The following ATM variants were observed in gnomAD, a reference collection of about 807,000 sequenced individuals.
The protein encoded by ATM is ATM serine/threonine kinase.
In ATM, 308 loss-of-function variants were observed where a neutral mutation model predicts 387.0. That is an observed-to-expected ratio of 0.80 (90% CI 0.73 to 0.87). The LOEUF (loss-of-function observed/expected upper bound fraction) is 0.87. ATM is among the 40% of genes least tolerant of loss of function. ATM has a pLI of 0.00. For missense variants in ATM, 3,312 were observed against 3,560.9 expected (o/e 0.93, Z 1.78); for synonymous variants, 1,156 against 1,187.3 (o/e 0.97, Z 0.54).
chr11:108,312,648 T>G, intron 40 of ATM, 150 bp downstream of exon 40: 1 of 627,200 alleles, frequency 1.6e-6, no homozygotes, highest in South Asian at 2.0e-5. Context: ...GGTCTGAAGC[T>G]TAAGCCTTAG....
intron 45 of ATM, among the ~76,000 whole-genome samples, chr11:108,323,818 T>C (rs1180648589): frequency 1.3e-5 from 2 of 152,190 alleles, no homozygotes; most frequent in Non-Finnish European, 2.9e-5. Context: ...GCTTATGCTC[T>C]CAGATTACAT....
intron 8 of ATM, 30 bp from the exon 9 acceptor site, chr11:108,248,903 G>T (rs747967175): frequency 2.1e-5 from 30 of 1,450,584 alleles, no homozygotes; most frequent in Non-Finnish European, 2.6e-5. Flanking sequence ...AAAAAAAAAA[G>T]AAAAAAGTGG....
intron 21 of ATM, 51 bp from the exon 22 acceptor site, chr11:108,272,667 TGTTA>T: frequency 6.2e-7 from 1 of 1,612,998 alleles, no homozygotes; most frequent in Non-Finnish European, 8.5e-7. Flanking sequence ...AGTCTTTGTT[TGTTA>T]ATGAGTAATT....
intron 22 of ATM, among the ~76,000 whole-genome samples, chr11:108,273,523 G>A (rs748442801): frequency 5.9e-5 from 9 of 151,290 alleles, no homozygotes; most frequent in East Asian, 3.9e-4. Flanking sequence ...TTTATTTTTC[G>A]TAGAGATGGA....
At chr11:108,328,452 G>T (rs12418761) in intron 48 of ATM, among the ~76,000 whole-genome samples, 1 of 151,924 alleles carries the variant, frequency 6.6e-6, no homozygotes, top group South Asian at 2.1e-4. Flanking sequence ...CGCCACATTG[G>T]CCAGTCTGGT....
chr11:108,236,934 T>TTG (rs1201434681), intron 5 of ATM, among the ~76,000 whole-genome samples: 1 of 152,222 alleles, frequency 6.6e-6, no homozygotes, highest in Non-Finnish European at 1.5e-5. Context: ...TTAAGTCAGG[T>TTG]GTCAAAGTCT....
intron 37 of ATM, 93 bp downstream of exon 37, chr11:108,304,945 A>T (rs1565482576): frequency 7.1e-7 from 1 of 1,416,732 alleles, no homozygotes; most frequent in Non-Finnish European, 9.7e-7. Context: ...ACTTTACAGG[A>T]TTAAATCTAT....
intron 1 of ATM, chr11:108,225,693 G>A (rs1474379971): frequency 6.6e-6 from 1 of 152,190 alleles, no homozygotes; most frequent in Admixed American, 6.5e-5. Flanking sequence ...AGGCTGGCTG[G>A]TCTCGAACTC....
At chr11:108,279,794 GC>G (rs2082136835) in intron 23 of ATM, among the ~76,000 whole-genome samples, 186 bp downstream of exon 23, 1 of 152,142 alleles carries the variant, frequency 6.6e-6, no homozygotes, top group Admixed American at 6.5e-5. Flanking sequence ...TCAAATCATA[GC>G]AATTTCTTTT....
rs967402817 is a variant in ATM, at chr11:108,310,141, A to G, written c.5763-19A>G. 4.4e-6 allele frequency: 7 copies of G among 1,605,722 alleles called. No homozygotes were observed. The highest frequency in any genetic ancestry group is 6.0e-6 in the Non-Finnish European group (7 of 1,173,358). On this transcript the variant is annotated intron_variant, in intron 38 of 62. Transcript: ENST00000675843. ...GAAGTTTAAAAAAGTGAATGACATT[A>G]TATCTCATTTTTCTTTAGACCTTCT... is the stretch of plus-strand genomic sequence containing the variant.
rs962579086 is a variant in ATM, at chr11:108,329,447, C to A, written c.7307+209C>A. 2.8e-5 allele frequency: 16 copies of A among 566,086 alleles called. No individual in the cohort carries two copies. In the African/African-American group the frequency reaches 3.0e-4, roughly 11 times the overall value. 35.1% of individuals were successfully genotyped at this position (566,086 alleles called of 1,614,324 possible). A position where few individuals can be genotyped will look rare whatever the true frequency, so the allele number is the denominator to read the frequency against. On this transcript the variant is annotated intron_variant, in intron 49 of 62. Transcript: ENST00000675843. ...TTTGAGACAAGGTCTCACTCTGTCACCCAGGCTGGAGTACAGTGGCGTGAT... is the reference window on the plus strand; with the variant it reads ...TTTGAGACAAGGTCTCACTCTGTCAACCAGGCTGGAGTACAGTGGCGTGAT...
intron 61 of ATM, among the ~76,000 whole-genome samples, chr11:108,356,967 C>T (rs1227841797): frequency 6.6e-6 from 1 of 152,208 alleles, no homozygotes; most frequent in Non-Finnish European, 1.5e-5. Context: ...AGGAACAGCT[C>T]CGGTATACAG....
rs550004981 is a variant in ATM at position 108,369,024 on chromosome 11, T to C, written c.*3516T>C. 3 of 179,368 alleles carry C rather than the reference T, an allele frequency of 1.7e-5. No individual in the cohort carries two copies. Among genetic ancestry groups the C allele is most frequent in the Non-Finnish European group, 3.6e-5 (3 of 83,788 alleles). 11.1% of individuals were successfully genotyped at this position (179,368 alleles called of 1,614,324 possible). A position where few individuals can be genotyped will look rare whatever the true frequency, so the allele number is the denominator to read the frequency against. On this transcript the variant is annotated 3_prime_UTR_variant, in exon 63 of 63. Coordinates refer to ENST00000675843, the MANE Select transcript of ATM (RefSeq NM_000051.4). The stretch of plus-strand genomic sequence containing the variant: ...GAAATTATCTATTTTCTATAGATTT[T>C]AGTACTATTGAATGTATTACTTTAC...
chr11:108,275,890 C>T (rs1410389737), intron 22 of ATM, among the ~76,000 whole-genome samples: 1 of 152,098 alleles, frequency 6.6e-6, no homozygotes, highest in East Asian at 1.9e-4. Flanking sequence ...TCTGTATTTC[C>T]TGAATTTGAA....
intron 55 of ATM, chr11:108,335,401 T>A: frequency 1.3e-6 from 1 of 770,908 alleles, no homozygotes; most frequent in South Asian, 1.8e-5. Context: ...CTTTGGTGTC[T>A]GTCTCTTATT....
chr11:108,347,051 T>G (rs527454405), intron 58 of ATM, among the ~76,000 whole-genome samples: 1 of 152,192 alleles, frequency 6.6e-6, no homozygotes, highest in East Asian at 1.9e-4. Flanking sequence ...AAAGAGAAAA[T>G]TTTTTTAGCA....
Position 108,249,947 on chromosome 11 carries a change from G to A in ATM, c.1236-754G>A, listed in dbSNP as rs193070104. Among the ~76,000 whole-genome samples, 208 of 152,162 alleles carry A rather than the reference G, an allele frequency of 1.4e-3. 1 individual carries two copies. The highest frequency in any genetic ancestry group is 4.7e-3 in the African/African-American group (196 of 41,522). On this transcript the variant is annotated intron_variant, in intron 9 of 62. Coordinates refer to ENST00000675843, the MANE Select transcript of ATM (RefSeq NM_000051.4). The stretch of plus-strand genomic sequence containing the variant: ...ATGGGCTAAGCGTTAGATATACAGA[G>A]ATGAATAACATAAGACTCCTATTCT...
At chr11:108,327,546 A>T in intron 47 of ATM, 99 bp from the exon 48 acceptor site, 1 of 984,774 alleles carries the variant, frequency 1.0e-6, no homozygotes, top group Non-Finnish European at 1.6e-6. Flanking sequence ...CCCACCAAGG[A>T]AAAACATTTT....
rs1221844555 is a variant in ATM, at chr11:108,272,656, C to T, written c.3153+49C>T. 5.6e-6 allele frequency: 9 copies of T among 1,611,982 alleles called. No homozygotes were observed. Among genetic ancestry groups the T allele is most frequent in the Non-Finnish European group, 6.8e-6 (8 of 1,178,418 alleles). ...AAGATCTCCATTGAAAATTTTAAAG[C>T]AGTCTTTGTTTGTTAATGAGTAATT... On this transcript the variant is annotated intron_variant, in intron 21 of 62. Transcript: ENST00000675843.
Sources: allele counts gnomAD v4.1 joint callset (sites outside exome capture counted in the v4.1 genomes callset), GRCh38; gene constraint gnomAD v4.1.1; transcripts MANE v1.5; gene names NCBI Gene and HGNC (gene_info 2026-07-23, HGNC 2026-07-21).